NUDT4: variants seen among roughly 807,000 people sequenced by gnomAD.
The protein encoded by NUDT4 is nudix hydrolase 4.
Under a neutral mutation model 23.1 loss-of-function variants are expected in NUDT4, and 5 were observed. The observed-to-expected ratio is 0.22, with a 90% CI of 0.11 to 0.46. The LOEUF is 0.46. NUDT4 is among the 20% of genes least tolerant of loss of function. The pLI is 0.99. For synonymous variants in NUDT4, 50 were observed against 79.0 expected, an observed-to-expected ratio of 0.63 and a Z score of 1.95; for missense variants, 96 against 211.6, an observed-to-expected ratio of 0.45 and a Z score of 3.39.
intron 1 of NUDT4, among the ~76,000 whole-genome samples, chr12:93,382,741 A>T (rs1275025840): frequency 2.9e-5 from 4 of 137,182 alleles, no homozygotes; most frequent in Non-Finnish European, 4.5e-5. Flanking sequence ...CAGTGGCGCG[A>T]TGTCAGCTTA....
intron 1 of NUDT4, chr12:93,378,657 G>C: frequency 1.3e-5 from 16 of 1,189,586 alleles, no homozygotes; most frequent in Non-Finnish European, 1.6e-5. Context: ...CTGGGCACTC[G>C]AGAAGGCGCC....
At chr12:93,396,696 C>T (rs1876958807) in intron 3 of NUDT4, among the ~76,000 whole-genome samples, 1 of 152,012 alleles carries the variant, frequency 6.6e-6, no homozygotes, top group Non-Finnish European at 1.5e-5. Context: ...AGGAGGATCA[C>T]TAGGTCAGGA....
At chr12:93,397,575 T>C (rs1802156987) in intron 3 of NUDT4, among the ~76,000 whole-genome samples, 1 of 152,118 alleles carries the variant, frequency 6.6e-6, no homozygotes, top group South Asian at 2.1e-4. Flanking sequence ...CATCCAGGCT[T>C]TAGTGCAGTG....
chr12:93,385,937 C>CTTTT (rs1205267244), intron 1 of NUDT4, among the ~76,000 whole-genome samples: 2 of 60,972 alleles, frequency 3.3e-5, no homozygotes, highest in South Asian at 6.9e-4. Flanking sequence ...TATAGTAAAT[C>CTTTT]TTTTTATATA....
At chr12:93,385,941 TTATATATATATATATA>T (rs371683658) in intron 1 of NUDT4, among the ~76,000 whole-genome samples, 2 of 104,608 alleles carry the variant, frequency 1.9e-5, no homozygotes, top group Admixed American at 1.1e-4. Context: ...GTAAATCTTT[TTATATATATATATATA>T]TATATATATA....
rs567601229 is a variant in NUDT4, at chr12:93,399,437, G to A, written c.*58G>A. The A allele has an allele frequency of 2.9e-5, 14 of 485,734 alleles. No homozygotes were observed. The highest frequency in any genetic ancestry group is 1.1e-4 in the African/African-American group (5 of 44,256). 30.1% of individuals were successfully genotyped at this position (485,734 alleles called of 1,614,324 possible). On this transcript the variant is annotated 3_prime_UTR_variant, in exon 5 of 5. Transcript: ENST00000415493. ...AGTCTCATGGGGAGAGGCTTCTTTC[G>A]TTTCCTCGTCAAACATCTGATTGAC...
intron 1 of NUDT4, among the ~76,000 whole-genome samples, chr12:93,392,684 T>TTTTTTTC (rs1555193956): frequency 3.0e-5 from 3 of 101,590 alleles, no homozygotes; most frequent in African/African-American, 1.2e-4. Flanking sequence ...TTTTTTTTTT[T>TTTTTTTC]CCCCCGAGAT....
intron 1 of NUDT4, among the ~76,000 whole-genome samples, chr12:93,385,968 T>TATATATATATATATATATAC (rs1555193197): frequency 3.5e-4 from 47 of 133,584 alleles, no homozygotes; most frequent in African/African-American, 1.3e-3. Context: ...TATATATATA[T>TATATATATATATATATATAC]ATACATAATT....
At chr12:93,382,193 G>T (rs1163063372) in intron 1 of NUDT4, among the ~76,000 whole-genome samples, 1 of 151,696 alleles carries the variant, frequency 6.6e-6, no homozygotes, top group African/African-American at 2.4e-5. Context: ...GAACCTGGGA[G>T]GTGGAGGCTG....
intron 3 of NUDT4, among the ~76,000 whole-genome samples, chr12:93,396,400 AG>A (rs906296097): frequency 6.6e-6 from 1 of 152,230 alleles, no homozygotes; most frequent in African/African-American, 2.4e-5. Flanking sequence ...CCAGGGAGAA[AG>A]GAGGTCCAGA....
chr12:93,392,250 C>CT (rs1405100760), intron 1 of NUDT4, among the ~76,000 whole-genome samples: 1 of 138,650 alleles, frequency 7.2e-6, no homozygotes, highest in Non-Finnish European at 1.6e-5. Context: ...GTTTCCCCCC[C>CT]CCCCTTTTTT....
At position 93,394,507 on chromosome 12, in the gene NUDT4, T is replaced by C. The variant is rs138426056; in HGVS notation, c.100-102T>C. On this transcript the variant is annotated intron_variant, in intron 1 of 4. Coordinates refer to ENST00000415493, the MANE Select transcript of NUDT4 (RefSeq NM_019094.6). ...AATTTTAATTAAATTTTAAAATATT[T>C]TAATCTAGAATAGAGTTATAACCTT... is the stretch of plus-strand genomic sequence containing the variant. The C allele has an allele frequency of 7.0e-4, 418 of 598,776 alleles. No individual in the cohort carries two copies. In the African/African-American group the frequency reaches 7.2e-3, roughly 10 times the overall value. The allele number at this position is 598,776 out of a possible 1,614,324, so 37.1% of individuals were successfully genotyped here. A position where few individuals can be genotyped will look rare whatever the true frequency, so the allele number is the denominator to read the frequency against.
chr12:93,394,636 C>T lies in NUDT4; in HGVS notation c.127C>T (p.Pro43Ser). 6.4e-7 allele frequency: 1 copy of T among 1,554,318 alleles called. No individual in the cohort carries two copies. Among genetic ancestry groups the T allele is most frequent in the Non-Finnish European group, 8.7e-7 (1 of 1,148,228 alleles). The change falls in exon 2 of 5, where the codon CCA becomes TCA. Residue 43 changes from proline (P) to serine (S), a missense_variant. Physicochemically the swap from Pro to Ser is moderately conservative, Grantham distance 74. Transcript: ENST00000415493. ...EVLLVSSSRY[P>S]DQWIVPGGGM... is the part of the protein sequence containing the mutation. ...GCTGCTGGTGAGTAGCAGCCGGTACCCAGACCAGTGGATTGTCCCAGGAGG... is the reference window on the plus strand; with the variant it reads ...GCTGCTGGTGAGTAGCAGCCGGTACTCAGACCAGTGGATTGTCCCAGGAGG...
intron 1 of NUDT4, among the ~76,000 whole-genome samples, chr12:93,384,425 T>C (rs9919821): frequency 0.28 from 42,605 of 151,874 alleles, 6,377 homozygotes; most frequent in East Asian, 0.54. Flanking sequence ...CCTCAGCCTC[T>C]CAAAGTGCTG....
At position 93,385,968 on chromosome 12, in the gene NUDT4, T is replaced by TAC. The variant is rs1237834492; in HGVS notation, c.99+7548_99+7549insCA. 2.6e-4 allele frequency among the ~76,000 whole-genome samples: 35 copies of TAC among 133,602 alleles called. 1 individual carries two copies. Among genetic ancestry groups the TAC allele is most frequent in the African/African-American group, 9.6e-4 (34 of 35,354 alleles). 87.6% of individuals were successfully genotyped at this position (133,602 alleles called of 152,430 possible). A position where few individuals can be genotyped will look rare whatever the true frequency, so the allele number is the denominator to read the frequency against. On this transcript the variant is annotated intron_variant, in intron 1 of 4. Transcript: ENST00000415493. ...ATATATATATATATATATATATATA[T>TAC]ATACATAATTTTTTTTTTCTTTTTG...
At chr12:93,398,716 G>T in intron 3 of NUDT4, 55 bp from the exon 4 acceptor site, 1 of 1,233,144 alleles carries the variant, frequency 8.1e-7, no homozygotes, top group Non-Finnish European at 1.2e-6. Context: ...CTTGGAAAAT[G>T]TGTCCATGGC....
At chr12:93,382,272 A>AG (rs1048605817) in intron 1 of NUDT4, among the ~76,000 whole-genome samples, 10 of 151,788 alleles carry the variant, frequency 6.6e-5, no homozygotes, top group African/African-American at 2.2e-4. Context: ...TGCAAAAAAA[A>AG]AAAAAAAAAC....
chr12:93,383,265 A>G (rs1875823255), intron 1 of NUDT4, among the ~76,000 whole-genome samples: 1 of 152,206 alleles, frequency 6.6e-6, no homozygotes, highest in Non-Finnish European at 1.5e-5. Flanking sequence ...TTTAGAAGAA[A>G]GAACTGTTAT....
At chr12:93,380,418 A>C (rs1875574879) in intron 1 of NUDT4, among the ~76,000 whole-genome samples, 1 of 152,262 alleles carries the variant, frequency 6.6e-6, no homozygotes, top group African/African-American at 2.4e-5. Flanking sequence ...TACTAAATTC[A>C]TAGCCTCTAG....
Sources: gnomAD v4.1 joint callset for allele counts (sites outside exome capture counted in the v4.1 genomes callset) on GRCh38, gnomAD v4.1.1 for gene constraint, MANE v1.5 for transcripts, NCBI Gene and HGNC (gene_info 2026-07-23, HGNC 2026-07-21) for gene names.